The following FBXL7 variants were observed in gnomAD, a reference collection of about 807,000 sequenced individuals.
The protein encoded by FBXL7 is F-box/LRR-repeat protein 7.
FBXL7 carries 12 observed loss-of-function variants against 38.3 expected under a neutral mutation model. That is an observed-to-expected ratio of 0.31 (90% CI 0.20 to 0.51). FBXL7 has a LOEUF of 0.51. Among genes scored for constraint, FBXL7 ranks in the 20% least tolerant of loss-of-function variants. FBXL7 has a pLI of 0.98. For synonymous variants in FBXL7, 297 were observed against 300.9 expected (o/e 0.99, Z 0.13); for missense variants, 567 against 676.4 (o/e 0.84, Z 1.79).
intron 2 of FBXL7, among the ~76,000 whole-genome samples, chr5:15,665,516 G>T (rs1036782221): frequency 1.3e-5 from 2 of 152,032 alleles, no homozygotes; most frequent in Admixed American, 6.6e-5. Flanking sequence ...CAATTTCTTG[G>T]CTTTCTCTCA....
chr5:15,766,476 C>A (rs1736595823), intron 2 of FBXL7, among the ~76,000 whole-genome samples: 1 of 152,174 alleles, frequency 6.6e-6, no homozygotes, highest in Admixed American at 6.5e-5. Flanking sequence ...TGGCTTACAG[C>A]CACTGTGTTT....
intron 2 of FBXL7, among the ~76,000 whole-genome samples, chr5:15,679,929 A>ACTAC (rs1333446456): frequency 6.6e-6 from 1 of 152,222 alleles, no homozygotes; most frequent in African/African-American, 2.4e-5. Flanking sequence ...GAGGCAAAGG[A>ACTAC]GGTAGGTTTA....
intron 1 of FBXL7, among the ~76,000 whole-genome samples, chr5:15,592,359 C>G (rs1739504866): frequency 6.6e-6 from 1 of 152,032 alleles, no homozygotes; most frequent in South Asian, 2.1e-4. Context: ...ATACAGTTGC[C>G]CAGGGATCAT....
At chr5:15,595,064 C>T (rs905173427) in intron 1 of FBXL7, among the ~76,000 whole-genome samples, 4 of 152,204 alleles carry the variant, frequency 2.6e-5, no homozygotes, top group African/African-American at 4.8e-5. Flanking sequence ...ATGGGCTCCA[C>T]GTGTAGTCTT....
At chr5:15,834,700 C>T (rs1351451384) in intron 2 of FBXL7, among the ~76,000 whole-genome samples, 27 of 152,214 alleles carry the variant, frequency 1.8e-4, no homozygotes, top group Admixed American at 1.8e-3. Flanking sequence ...GTTCATATCA[C>T]AACTCTGCCA....
At chr5:15,586,258 C>T (rs1232212434) in intron 1 of FBXL7, among the ~76,000 whole-genome samples, 2 of 111,854 alleles carry the variant, frequency 1.8e-5, no homozygotes, top group East Asian at 3.4e-4. Flanking sequence ...TTTCTCCCCT[C>T]CCCTCCCCTC....
intron 2 of FBXL7, among the ~76,000 whole-genome samples, chr5:15,651,037 A>G (rs1741690476): frequency 2.0e-5 from 3 of 151,524 alleles, no homozygotes; most frequent in Admixed American, 2.0e-4. Flanking sequence ...AGTTTTACAG[A>G]TTCATCAGAG....
chr5:15,713,246 CTCTT>C (rs1743934075), intron 2 of FBXL7, among the ~76,000 whole-genome samples: 2 of 152,148 alleles, frequency 1.3e-5, no homozygotes, highest in Non-Finnish European at 1.5e-5. Context: ...AAAAGGGAAA[CTCTT>C]TATGCGACCA....
chr5:15,622,773 C>T (rs1277175560), intron 2 of FBXL7, among the ~76,000 whole-genome samples: 6 of 152,174 alleles, frequency 3.9e-5, no homozygotes, highest in African/African-American at 1.2e-4. Context: ...TGCATGATCT[C>T]GGCTCACTGC....
chr5:15,609,687 T>C (rs775144143), intron 1 of FBXL7, among the ~76,000 whole-genome samples: 21 of 152,158 alleles, frequency 1.4e-4, no homozygotes, highest in Non-Finnish European at 2.8e-4. Context: ...AGTGTCACCA[T>C]GAAACCCAGG....
At chr5:15,625,513 G>A (rs1043876993) in intron 2 of FBXL7, among the ~76,000 whole-genome samples, 1 of 152,150 alleles carries the variant, frequency 6.6e-6, no homozygotes, top group South Asian at 2.1e-4. Context: ...AATTAGCTGA[G>A]TGTAGTGGCA....
At chr5:15,866,553 T>TAA (rs910178622) in intron 2 of FBXL7, among the ~76,000 whole-genome samples, 128 of 151,058 alleles carry the variant, frequency 8.5e-4, no homozygotes, top group African/African-American at 3.1e-3. Flanking sequence ...TTATTTCTTC[T>TAA]AAAAAAAAAT....
At chr5:15,783,943 A>G (rs1029874485) in intron 2 of FBXL7, among the ~76,000 whole-genome samples, 1 of 152,176 alleles carries the variant, frequency 6.6e-6, no homozygotes, top group African/African-American at 2.4e-5. Flanking sequence ...GTAAACATGG[A>G]TGTGGGGCAT....
chr5:15,662,645 A>C (rs1469127332), intron 2 of FBXL7, among the ~76,000 whole-genome samples: 1 of 152,168 alleles, frequency 6.6e-6, no homozygotes, highest in East Asian at 1.9e-4. Context: ...TTTACATTGA[A>C]GTCTTTAATT....
At chr5:15,599,025 G>A (rs1739710327) in intron 1 of FBXL7, among the ~76,000 whole-genome samples, 1 of 152,170 alleles carries the variant, frequency 6.6e-6, no homozygotes. Context: ...GTACTCTGTA[G>A]CTGCCATTTA....
chr5:15,527,092 C>A (rs1561015576), intron 1 of FBXL7, among the ~76,000 whole-genome samples: 1 of 152,152 alleles, frequency 6.6e-6, no homozygotes, highest in Non-Finnish European at 1.5e-5. Flanking sequence ...ACCAGTACAC[C>A]TAGAATAGAA....
intron 2 of FBXL7, among the ~76,000 whole-genome samples, chr5:15,796,683 C>A (rs2126736666): frequency 6.6e-6 from 1 of 152,312 alleles, no homozygotes; most frequent in Admixed American, 6.5e-5. Flanking sequence ...AGAGAAGCAT[C>A]CAGAGCTTAC....
intron 1 of FBXL7, among the ~76,000 whole-genome samples, chr5:15,526,455 C>T (rs547798258): frequency 2.0e-5 from 3 of 152,256 alleles, no homozygotes; most frequent in South Asian, 4.1e-4. Context: ...AGGCGTCTTT[C>T]GGTTGCCCTT....
chr5:15,597,275 G>C (rs896610594), intron 1 of FBXL7, among the ~76,000 whole-genome samples: 5 of 152,102 alleles, frequency 3.3e-5, no homozygotes, highest in African/African-American at 9.7e-5. Context: ...AAGCAACTGT[G>C]TTGTATTGAG....
Sources: allele counts gnomAD v4.1 joint callset (sites outside exome capture counted in the v4.1 genomes callset), GRCh38; gene constraint gnomAD v4.1.1; transcripts MANE v1.5; gene names NCBI Gene and HGNC (gene_info 2026-07-23, HGNC 2026-07-21).